MYO10: variants seen among roughly 807,000 people sequenced by gnomAD.
MYO10 encodes myosin X, also known as unconventional myosin-X.
Under a neutral mutation model 257.3 loss-of-function variants are expected in MYO10, and 133 were observed. The observed-to-expected ratio is 0.52, with a 90% CI of 0.45 to 0.60. The LOEUF (loss-of-function observed/expected upper bound fraction) is 0.60. Among genes scored for constraint, MYO10 ranks in the 20% least tolerant of loss-of-function variants. The pLI is 0.00. For missense variants in MYO10, 2,399 were observed against 2,635.7 expected (o/e 0.91, Z 1.97); for synonymous variants, 1,104 against 1,028.6 (o/e 1.07, Z -1.40).
At chr5:16,700,297 C>T (rs1737983489) in intron 25 of MYO10, among the ~76,000 whole-genome samples, 1 of 152,066 alleles carries the variant, frequency 6.6e-6, no homozygotes. Flanking sequence ...TTTCCTAACG[C>T]AGCACGGCAA....
At chr5:16,714,122 GGGTGGACA>G (rs1414912625) in intron 19 of MYO10, among the ~76,000 whole-genome samples, 1 of 152,116 alleles carries the variant, frequency 6.6e-6, no homozygotes, top group Non-Finnish European at 1.5e-5. Context: ...CAATTTAGGA[GGGTGGACA>G]GGTACATCAG....
intron 1 of MYO10, among the ~76,000 whole-genome samples, chr5:16,934,920 A>G (rs1457260307): frequency 6.6e-6 from 1 of 152,238 alleles, no homozygotes; most frequent in Non-Finnish European, 1.5e-5. Context: ...AACGAAAATC[A>G]CATCAGACTC....
chr5:16,921,634 A>C (rs1387726309), intron 1 of MYO10, among the ~76,000 whole-genome samples: 1 of 130,630 alleles, frequency 7.7e-6, no homozygotes, highest in Non-Finnish European at 1.7e-5. Context: ...GAAAAGGAAA[A>C]AGAAAAAAAA....
intron 3 of MYO10, among the ~76,000 whole-genome samples, chr5:16,796,469 A>AAAGAAAGAAAGAAAGAAAGAAAGAAAG (rs879800508): frequency 5.0e-5 from 6 of 120,938 alleles, no homozygotes; most frequent in South Asian, 2.6e-4. Flanking sequence ...AGAAAGAAAG[A>AAAGAAAGAAAGAAAGAAAGAAAGAAAG]AAAGAAAAGA....
At position 16,781,760 on chromosome 5, in the gene MYO10, A is replaced by C; in HGVS notation, c.672T>G (p.Phe224Leu). The change falls in exon 6 of 41, where the codon TTT (phenylalanine) becomes TTG (leucine). Residue 224 changes from phenylalanine (F) to leucine (L), a missense_variant. This residue lies in a region of MYO10 where 337 missense variants were observed against 446.8 expected (regional missense o/e 0.75). Coordinates refer to ENST00000513610, the MANE Select transcript of MYO10 (RefSeq NM_012334.3). ...CTTTCTGACAGATGTTCAGCTGAACAAACTTCCCAAAGCGACTAGAGTTGT... is the reference window on the plus strand; with the variant it reads ...CTTTCTGACAGATGTTCAGCTGAACCAACTTCCCAAAGCGACTAGAGTTGT... ...YNNNSSRFGK[F>L]VQLNICQKGN... 6.2e-7 allele frequency: 1 copy of C among 1,614,018 alleles called. No homozygotes were observed. The highest frequency in any genetic ancestry group is 8.5e-7 in the Non-Finnish European group (1 of 1,179,882).
intron 2 of MYO10, among the ~76,000 whole-genome samples, chr5:16,853,097 G>A (rs899627894): frequency 2.0e-5 from 3 of 152,152 alleles, no homozygotes; most frequent in Admixed American, 6.5e-5. Flanking sequence ...TTGGCCGGGC[G>A]CGGCGGCTCA....
At position 16,710,982 on chromosome 5, in the gene MYO10, C is replaced by A; in HGVS notation, c.2095G>T (p.Val699Phe). The change falls in exon 21 of 41, where the codon GTC (valine) becomes TTC (phenylalanine). Residue 699 changes from valine to phenylalanine, a missense_variant. Around this residue, in one of 3 missense-constraint regions of MYO10, gnomAD observed 1,820 missense variants for 1,939.4 expected, o/e 0.94. Transcript: ENST00000513610. ...AGCAGGCTCGTGCACTTCCCTCGGA[C>A]GTCCTCAGGCAGAGCCAGATTCCTC... is the stretch of plus-strand genomic sequence containing the variant. The part of the protein sequence containing the change: ...LMRNLALPED[V>F]RGKCTSLLQL... 1 of 1,613,966 alleles carries A rather than the reference C, an allele frequency of 6.2e-7. No homozygotes were observed. The highest frequency in any genetic ancestry group is 8.5e-7 in the Non-Finnish European group (1 of 1,179,874).
At position 16,681,914 on chromosome 5, in the gene MYO10, G is replaced by A; in HGVS notation, c.4146C>T (p.Ser1382=). The A allele has an allele frequency of 6.2e-7, 1 of 1,613,980 alleles. No individual in the cohort carries two copies. The highest frequency in any genetic ancestry group is 8.5e-7 in the Non-Finnish European group (1 of 1,179,878). The change falls in exon 31 of 41, where the codon TCC becomes TCT. Residue 1382 remains serine (S), a synonymous_variant. Transcript: ENST00000513610. ...MHHWITLLQR[S]KGDTRVEGQE... Reference sequence around the variant, plus strand: ...GGCCCTCCACTCTGGTGTCCCCTTTGGACCTCTGCAGCAGGGTTATCCAGT... The same window carrying A: ...GGCCCTCCACTCTGGTGTCCCCTTTAGACCTCTGCAGCAGGGTTATCCAGT...
At chr5:16,678,122 G>A (rs544859065) in intron 33 of MYO10, among the ~76,000 whole-genome samples, 54 of 152,340 alleles carry the variant, frequency 3.5e-4, no homozygotes, top group Non-Finnish European at 6.8e-4. Flanking sequence ...AAACAGGTAA[G>A]TTCCAGCACC....
chr5:16,848,155 C>CTTTTTTTTTTT (rs371042891), intron 2 of MYO10, among the ~76,000 whole-genome samples: 1,991 of 113,226 alleles, frequency 0.018, 62 homozygotes, highest in Non-Finnish European at 0.024. Flanking sequence ...CTACACATTT[C>CTTTTTTTTTTT]TTTTTTTTTT....
At chr5:16,854,324 A>C in intron 2 of MYO10, among the ~76,000 whole-genome samples, 1 of 152,324 alleles carries the variant, frequency 6.6e-6, no homozygotes, top group East Asian at 1.9e-4. Context: ...ATTCCTTTTA[A>C]ATAAAATGTA....
chr5:16,671,564 G>A (rs950965532), intron 37 of MYO10, 22 bp from the exon 38 acceptor site: 1 of 1,613,714 alleles, frequency 6.2e-7, no homozygotes, highest in Non-Finnish European at 8.5e-7. Context: ...AGTCAAGAGA[G>A]GCTCAGAATA....
chr5:16,817,325 A>C (rs1349496162), intron 3 of MYO10, among the ~76,000 whole-genome samples: 1 of 152,230 alleles, frequency 6.6e-6, no homozygotes, highest in African/African-American at 2.4e-5. Context: ...AGGCAGATGG[A>C]AAAGGGGAGA....
chr5:16,822,097 C>T lies in MYO10; in HGVS notation c.121-3930G>A, dbSNP rs117689974. On this transcript the variant is annotated intron_variant, in intron 2 of 40. Transcript: ENST00000513610. Reference sequence around the variant, plus strand: ...AGACCTTAGAACATTGTCTGGCATTCAGAAGGTGCTAAATAAGGATCAGAT... The same window carrying T: ...AGACCTTAGAACATTGTCTGGCATTTAGAAGGTGCTAAATAAGGATCAGAT... 7.8e-4 allele frequency among the ~76,000 whole-genome samples: 119 copies of T among 152,118 alleles called. 4 individuals carry two copies. In the East Asian group the frequency reaches 0.016, roughly 21 times the overall value.
At chr5:16,835,031 G>A (rs896017283) in intron 2 of MYO10, among the ~76,000 whole-genome samples, 37 of 151,866 alleles carry the variant, frequency 2.4e-4, no homozygotes, top group African/African-American at 8.7e-4. Flanking sequence ...AAAATTAGGC[G>A]GGCCACCGTG....
intron 2 of MYO10, among the ~76,000 whole-genome samples, chr5:16,853,470 T>C (rs1272780019): frequency 6.6e-6 from 1 of 152,178 alleles, no homozygotes; most frequent in African/African-American, 2.4e-5. Flanking sequence ...TCTACAACAT[T>C]GCCAAAATGT....
At chr5:16,918,494 T>C (rs1335449815) in intron 1 of MYO10, among the ~76,000 whole-genome samples, 4 of 89,560 alleles carry the variant, frequency 4.5e-5, no homozygotes, top group African/African-American at 1.7e-4. Context: ...AAACTATTTT[T>C]CTTTTCTTTT....
At chr5:16,744,954 G>A (rs943252280) in intron 19 of MYO10, among the ~76,000 whole-genome samples, 2 of 152,330 alleles carry the variant, frequency 1.3e-5, no homozygotes, top group South Asian at 2.1e-4. Context: ...TCCTATGAAC[G>A]AATATCTGAC....
At position 16,702,584 on chromosome 5, in the gene MYO10, T is replaced by C. The variant is rs1215750960; in HGVS notation, c.2515A>G (p.Arg839Gly). ...KKKREEEERE[R>G]ERERREAELR... ...TCGGCTTCTCTTCGCTCTCTCTCTC[T>C]TTCTCTAAAAATAGTAAAGGAAAAG... The change falls in exon 24 of 41, where the codon AGA (arginine) becomes GGA (glycine). Residue 839 changes from arginine (R) to glycine (G), a missense_variant. Arg to Gly is a moderately radical substitution (Grantham distance 125, BLOSUM62 -2). This residue lies in a region of MYO10 where 1,820 missense variants were observed against 1,939.4 expected (regional missense o/e 0.94). Coordinates refer to ENST00000513610, the MANE Select transcript of MYO10 (RefSeq NM_012334.3). 2 of 1,581,534 alleles carry C rather than the reference T, an allele frequency of 1.3e-6. No homozygotes were observed. The highest frequency in any genetic ancestry group is 1.7e-6 in the Non-Finnish European group (2 of 1,162,996).
Sources: allele counts gnomAD v4.1 joint callset (sites outside exome capture counted in the v4.1 genomes callset), GRCh38; gene constraint gnomAD v4.1.1; regional missense constraint gnomAD v4.1.1; transcripts MANE v1.5; gene names NCBI Gene and HGNC (gene_info 2026-07-23, HGNC 2026-07-21).